The following TIAL1 variants were observed in gnomAD, a reference collection of about 807,000 sequenced individuals.
The protein encoded by TIAL1 is TIA1 cytotoxic granule associated RNA binding protein like 1.
Under a neutral mutation model 59.7 loss-of-function variants are expected in TIAL1, and 7 were observed. That is an observed-to-expected ratio of 0.12 (90% CI 0.07 to 0.22). TIAL1 has a LOEUF of 0.22. TIAL1 is among the 10% of genes least tolerant of loss of function. The pLI is 1.00. For missense variants in TIAL1, 225 were observed against 462.5 expected (o/e 0.49, Z 4.71); for synonymous variants, 149 against 146.3 (o/e 1.02, Z -0.13).
intron 1 of TIAL1, chr10:119,592,095 G>A (rs1845911347): frequency 6.6e-6 from 1 of 152,090 alleles, no homozygotes; most frequent in Non-Finnish European, 1.5e-5. Flanking sequence ...AAAGATCCAA[G>A]TCTTTAAATA....
At position 119,578,760 on chromosome 10, in the gene TIAL1, A is replaced by G; in HGVS notation, c.522T>C (p.Thr174=). The change falls in exon 7 of 12, where the codon ACT becomes ACC. Residue 174 remains threonine (T), a synonymous_variant. Coordinates refer to ENST00000436547, the MANE Select transcript of TIAL1 (RefSeq NM_003252.4). The stretch of plus-strand genomic sequence containing the variant: ...TACTTTTAGGTGCAGGTGGTTTACG[A>G]GTGGCCCAATTGGTTCGGATTTGAC... The part of the protein sequence containing the change: ...GGRQIRTNWA[T]RKPPAPKSTQ... 1 of 1,614,222 alleles carries G rather than the reference A, an allele frequency of 6.2e-7. No homozygotes were observed. Among genetic ancestry groups the G allele is most frequent in the Non-Finnish European group, 8.5e-7 (1 of 1,180,040 alleles).
intron 1 of TIAL1, among the ~76,000 whole-genome samples, chr10:119,589,236 C>T (rs1394691389): frequency 1.3e-5 from 2 of 152,148 alleles, no homozygotes; most frequent in Non-Finnish European, 2.9e-5. Flanking sequence ...GATGGAGTCT[C>T]ACTCTGTCAC....
chr10:119,582,366 A>G lies in TIAL1; in HGVS notation c.228+93T>C, dbSNP rs1467849688. ...AAGCAAAACCATCACTCAGCAGCCGAATATCTGCTCAAAAATTTGCCTAGA... is the reference window on the plus strand; with the variant it reads ...AAGCAAAACCATCACTCAGCAGCCGGATATCTGCTCAAAAATTTGCCTAGA... On this transcript the variant is annotated intron_variant, in intron 3 of 11. Coordinates refer to ENST00000436547, the MANE Select transcript of TIAL1 (RefSeq NM_003252.4). The surrounding 1 kb of genome is among the most constrained non-coding windows in gnomAD (Gnocchi z 5.1). 1.3e-6 allele frequency: 2 copies of G among 1,492,842 alleles called. No homozygotes were observed. Among genetic ancestry groups the G allele is most frequent in the Non-Finnish European group, 1.8e-6 (2 of 1,116,264 alleles). The allele number at this position is 1,492,842 out of a possible 1,614,324, so 92.5% of individuals were successfully genotyped here. A position where few individuals can be genotyped will look rare whatever the true frequency, so the allele number is the denominator to read the frequency against.
intron 5 of TIAL1, among the ~76,000 whole-genome samples, chr10:119,581,298 AC>A (rs1349099718): frequency 6.6e-6 from 1 of 152,046 alleles, no homozygotes; most frequent in Admixed American, 6.5e-5. Flanking sequence ...TAAAAATCAA[AC>A]CACATTTGCC....
chr10:119,583,415 A>G (rs1283323223), intron 2 of TIAL1, among the ~76,000 whole-genome samples: 1 of 152,206 alleles, frequency 6.6e-6, no homozygotes, highest in African/African-American at 2.4e-5. Flanking sequence ...TGAAGAAAGT[A>G]GTACTACCTA....
intron 1 of TIAL1, among the ~76,000 whole-genome samples, chr10:119,588,839 C>T (rs912652909): frequency 6.6e-6 from 1 of 152,130 alleles, no homozygotes; most frequent in Non-Finnish European, 1.5e-5. Context: ...ATTCTGTACC[C>T]TGGATATCAT....
chr10:119,578,152 G>A (rs527345928), intron 7 of TIAL1, among the ~76,000 whole-genome samples: 2 of 149,168 alleles, frequency 1.3e-5, no homozygotes, highest in East Asian at 3.9e-4. Context: ...TTGAACCTGC[G>A]AGGCGGAGGT....
At chr10:119,588,794 A>G (rs866149718) in intron 1 of TIAL1, among the ~76,000 whole-genome samples, 2 of 152,246 alleles carry the variant, frequency 1.3e-5, no homozygotes, top group South Asian at 4.1e-4. Context: ...TAAAGAACAA[A>G]TCAATGTGAT....
chr10:119,586,784 T>A (rs1457266716), intron 2 of TIAL1, among the ~76,000 whole-genome samples: 1 of 152,230 alleles, frequency 6.6e-6, no homozygotes, highest in Non-Finnish European at 1.5e-5. Context: ...TATTTGCTGT[T>A]TCCTCTGCCT....
chr10:119,590,308 G>A (rs536076713), intron 1 of TIAL1, among the ~76,000 whole-genome samples: 4 of 152,332 alleles, frequency 2.6e-5, no homozygotes, highest in African/African-American at 9.6e-5. Flanking sequence ...AAAGGTTATT[G>A]GGTTATGAGC....
intron 1 of TIAL1, among the ~76,000 whole-genome samples, chr10:119,596,118 G>A (rs1172655714): frequency 6.6e-6 from 1 of 152,034 alleles, no homozygotes. Context: ...CCAACGCGGA[G>A]GGGGTGCAGG....
Position 119,574,586 on chromosome 10 carries a change from CAA to C in TIAL1, c.*1077_*1078del, listed in dbSNP as rs5788360. ...TATTTACATACCAAGTAATGTAAAGCAAAAAAAAAAAAAAAAAAAAACAAAAA... is the reference window on the plus strand; with the variant it reads ...TATTTACATACCAAGTAATGTAAAGCAAAAAAAAAAAAAAAAAAACAAAAA... On this transcript the variant is annotated 3_prime_UTR_variant, in exon 12 of 12. Coordinates refer to ENST00000436547, the MANE Select transcript of TIAL1 (RefSeq NM_003252.4). 1.7e-4 allele frequency: 15 copies of C among 86,588 alleles called. No homozygotes were observed. The highest frequency in any genetic ancestry group is 4.7e-4 in the African/African-American group (11 of 23,320). 5.4% of individuals were successfully genotyped at this position (86,588 alleles called of 1,614,324 possible). A position where few individuals can be genotyped will look rare whatever the true frequency, so the allele number is the denominator to read the frequency against.
Position 119,596,630 on chromosome 10 carries a change from C to G in TIAL1, c.-165G>C, listed in dbSNP as rs1224596749. On this transcript the variant is annotated 5_prime_UTR_variant, in exon 1 of 12. Coordinates refer to ENST00000436547, the MANE Select transcript of TIAL1 (RefSeq NM_003252.4). Reference sequence around the variant, plus strand: ...TCCCCCCAGCCCGCTCCGGACACTGCGCTCCAACCAGGAGGAGCAGGAGGA... The same window carrying G: ...TCCCCCCAGCCCGCTCCGGACACTGGGCTCCAACCAGGAGGAGCAGGAGGA... 1 of 612,950 alleles carries G rather than the reference C, an allele frequency of 1.6e-6. No homozygotes were observed. Among genetic ancestry groups the G allele is most frequent in the African/African-American group, 1.9e-5 (1 of 53,766 alleles). 38.0% of individuals were successfully genotyped at this position (612,950 alleles called of 1,614,324 possible). A position where few individuals can be genotyped will look rare whatever the true frequency, so the allele number is the denominator to read the frequency against.
At chr10:119,588,834 G>C (rs1845708037) in intron 1 of TIAL1, among the ~76,000 whole-genome samples, 1 of 152,082 alleles carries the variant, frequency 6.6e-6, no homozygotes, top group African/African-American at 2.4e-5. Context: ...TTATTATTCT[G>C]TACCCTGGAT....
Position 119,574,586 on chromosome 10 carries a change from CAAAAAAAAAAA to C in TIAL1, c.*1068_*1078del, listed in dbSNP as rs5788360. On this transcript the variant is annotated 3_prime_UTR_variant, in exon 12 of 12. Coordinates refer to ENST00000436547, the MANE Select transcript of TIAL1 (RefSeq NM_003252.4). ...TATTTACATACCAAGTAATGTAAAG[CAAAAAAAAAAA>C]AAAAAAAAAACAAAAACAAAAAACT... 1.2e-5 allele frequency: 1 copy of C among 86,550 alleles called. No individual in the cohort carries two copies. Among genetic ancestry groups the C allele is most frequent in the African/African-American group, 4.3e-5 (1 of 23,282 alleles). The allele number at this position is 86,550 out of a possible 1,614,324, so 5.4% of individuals were successfully genotyped here.
intron 1 of TIAL1, among the ~76,000 whole-genome samples, chr10:119,594,681 G>C (rs1846063863): frequency 6.6e-6 from 1 of 152,132 alleles, no homozygotes; most frequent in African/African-American, 2.4e-5. Flanking sequence ...CTGGAGTGCA[G>C]TGGTGCAATC....
At chr10:119,575,911 CAACA>C in intron 11 of TIAL1, 120 bp from the exon 12 acceptor site, 1 of 912,062 alleles carries the variant, frequency 1.1e-6, no homozygotes, top group Non-Finnish European at 1.6e-6. Context: ...AACACACCTA[CAACA>C]AATAGAAAGA....
At chr10:119,586,919 C>T (rs956906499) in intron 2 of TIAL1, among the ~76,000 whole-genome samples, 6 of 152,234 alleles carry the variant, frequency 3.9e-5, no homozygotes, top group African/African-American at 1.4e-4. Context: ...TTATTCTCTT[C>T]ATGGCTTACA....
chr10:119,582,692 C>A lies in TIAL1; in HGVS notation c.130-135G>T. On this transcript the variant is annotated intron_variant, in intron 2 of 11. Transcript: ENST00000436547. This position sits in a 1 kb window ranked among gnomAD's most constrained non-coding sequence, Gnocchi z 5.1. ...TGCATAAGCTTATGAAAGCCTAACA[C>A]TTTTTAAATAAGATTTAAAGCTAAA... 7.3e-7 allele frequency: 1 copy of A among 1,370,462 alleles called. No individual in the cohort carries two copies. The highest frequency in any genetic ancestry group is 9.6e-7 in the Non-Finnish European group (1 of 1,041,010). The allele number at this position is 1,370,462 out of a possible 1,614,324, so 84.9% of individuals were successfully genotyped here.
Sources: allele counts gnomAD v4.1 joint callset (sites outside exome capture counted in the v4.1 genomes callset), GRCh38; gene constraint gnomAD v4.1.1; non-coding constraint Gnocchi (gnomAD v3.1); transcripts MANE v1.5; gene names NCBI Gene and HGNC (gene_info 2026-07-23, HGNC 2026-07-21).